The following ABTB3 variants were observed in gnomAD, a reference collection of about 807,000 sequenced individuals.
ABTB3 encodes ankyrin repeat- and BTB/POZ domain-containing protein 3.
chr12:107,569,552 C>T, the ABTB3 span, among the ~76,000 whole-genome samples: 1 of 152,094 alleles, frequency 6.6e-6, no homozygotes, highest in Non-Finnish European at 1.5e-5. Context: ...GAACAAATAT[C>T]GAGTCTCAAG....
the ABTB3 span, among the ~76,000 whole-genome samples, chr12:107,436,360 A>G: frequency 1.3e-5 from 2 of 152,168 alleles, no homozygotes; most frequent in African/African-American, 4.8e-5. Context: ...GGCCTAATCA[A>G]CCCATGCTGG....
the ABTB3 span, among the ~76,000 whole-genome samples, chr12:107,392,854 G>A: frequency 6.6e-6 from 1 of 152,088 alleles, no homozygotes; most frequent in South Asian, 2.1e-4. Flanking sequence ...ATCTTTTTCT[G>A]GCGATTTTGT....
chr12:107,554,565 C>A, the ABTB3 span, among the ~76,000 whole-genome samples: 1 of 152,152 alleles, frequency 6.6e-6, no homozygotes, highest in Non-Finnish European at 1.5e-5. Context: ...ACACATTAGC[C>A]TTTTTATAGA....
the ABTB3 span, among the ~76,000 whole-genome samples, chr12:107,441,993 A>ATGTG: frequency 6.6e-6 from 1 of 152,120 alleles, no homozygotes; most frequent in Non-Finnish European, 1.5e-5. Flanking sequence ...TATCTGGGGT[A>ATGTG]TGTGCTTAGA....
the ABTB3 span, among the ~76,000 whole-genome samples, chr12:107,403,118 C>G: frequency 6.6e-6 from 1 of 152,166 alleles, no homozygotes; most frequent in Non-Finnish European, 1.5e-5. Context: ...AATGAGGGAC[C>G]TGTAATATCC....
chr12:107,543,246 G>A, the ABTB3 span, among the ~76,000 whole-genome samples: 1 of 150,414 alleles, frequency 6.6e-6, no homozygotes, highest in African/African-American at 2.5e-5. Flanking sequence ...TGAGGAGGCA[G>A]GAGAATCGAT....
chr12:107,654,120 T>C, the ABTB3 span, among the ~76,000 whole-genome samples: 1 of 152,240 alleles, frequency 6.6e-6, no homozygotes, highest in Non-Finnish European at 1.5e-5. Context: ...TGTCAGAATT[T>C]CTTCTTTAAG....
the ABTB3 span, among the ~76,000 whole-genome samples, chr12:107,501,303 A>T: frequency 6.6e-6 from 1 of 151,966 alleles, no homozygotes. Context: ...GAGAAGAGGT[A>T]GGGATCCCAA....
the ABTB3 span, among the ~76,000 whole-genome samples, chr12:107,340,136 G>C: frequency 6.6e-6 from 1 of 152,008 alleles, no homozygotes; most frequent in Non-Finnish European, 1.5e-5. Context: ...TTCACATTAA[G>C]CATGTTAGCC....
At chr12:107,458,296 A>C in the ABTB3 span, among the ~76,000 whole-genome samples, 1 of 152,200 alleles carries the variant, frequency 6.6e-6, no homozygotes, top group East Asian at 1.9e-4. Context: ...AGGTGAACAG[A>C]ATGGGGTCAG....
chr12:107,378,791 G>A, the ABTB3 span, among the ~76,000 whole-genome samples: 9 of 152,264 alleles, frequency 5.9e-5, no homozygotes, highest in South Asian at 4.1e-4. Context: ...TCTGTCACTT[G>A]TGAAAACGTC....
the ABTB3 span, chr12:107,520,404 G>T: frequency 6.5e-7 from 1 of 1,534,604 alleles, no homozygotes; most frequent in Non-Finnish European, 8.8e-7. Context: ...TTGAGGTTGT[G>T]CAAGATGTTG....
chr12:107,338,724 G>A, the ABTB3 span, among the ~76,000 whole-genome samples: 27 of 152,308 alleles, frequency 1.8e-4, no homozygotes, highest in African/African-American at 6.0e-4. Context: ...CCATTATGAA[G>A]CCTTGTGGCT....
chr12:107,563,077 G>C, the ABTB3 span, among the ~76,000 whole-genome samples: 1 of 152,116 alleles, frequency 6.6e-6, no homozygotes, highest in African/African-American at 2.4e-5. Flanking sequence ...AGGGTCCTGG[G>C]CCCGACTCTT....
At chr12:107,469,870 C>CTTTCTTT in the ABTB3 span, among the ~76,000 whole-genome samples, 2 of 80,258 alleles carry the variant, frequency 2.5e-5, no homozygotes, top group East Asian at 7.5e-4. Context: ...TCTTTCTTTT[C>CTTTCTTT]TTTCTTTCTT....
the ABTB3 span, among the ~76,000 whole-genome samples, chr12:107,411,884 T>G: frequency 6.6e-6 from 1 of 152,206 alleles, no homozygotes; most frequent in African/African-American, 2.4e-5. Flanking sequence ...GAGCCACATC[T>G]AGCCATACTC....
the ABTB3 span, among the ~76,000 whole-genome samples, chr12:107,500,385 T>C: frequency 6.6e-6 from 1 of 152,098 alleles, no homozygotes; most frequent in Non-Finnish European, 1.5e-5. Flanking sequence ...AACCATCTAG[T>C]CTCGAGGGTG....
the ABTB3 span, among the ~76,000 whole-genome samples, chr12:107,341,119 G>A: frequency 6.6e-6 from 1 of 152,220 alleles, no homozygotes; most frequent in Non-Finnish European, 1.5e-5. Context: ...AGGATGCACT[G>A]TTAGCATACC....
At chr12:107,475,393 A>G in the ABTB3 span, among the ~76,000 whole-genome samples, 31 of 152,330 alleles carry the variant, frequency 2.0e-4, no homozygotes, top group African/African-American at 6.7e-4. Context: ...TCAGCTGACC[A>G]GTCAGCTACC....
Sources: gnomAD v4.1 joint callset for allele counts (sites outside exome capture counted in the v4.1 genomes callset) on GRCh38, gnomAD v4.1.1 for gene constraint, MANE v1.5 for transcripts, NCBI Gene and HGNC (gene_info 2026-07-23, HGNC 2026-07-21) for gene names.